Variants in MBOAT2 observed in about 807,000 individuals in gnomAD.
MBOAT2 encodes membrane-bound glycerophospholipid O-acyltransferase 2.
MBOAT2 carries 28 observed loss-of-function variants against 63.4 expected under a neutral mutation model. The observed-to-expected ratio is 0.44, with a 90% CI of 0.33 to 0.61. MBOAT2 has a LOEUF of 0.61. MBOAT2 is among the 20% of genes least tolerant of loss of function. MBOAT2 has a pLI of 0.03. For synonymous variants in MBOAT2, 211 were observed against 215.6 expected (o/e 0.98, Z 0.19); for missense variants, 470 against 605.8 (o/e 0.78, Z 2.35).
At chr2:8,986,576 A>G (rs976944371) in intron 1 of MBOAT2, among the ~76,000 whole-genome samples, 1 of 151,892 alleles carries the variant, frequency 6.6e-6, no homozygotes, top group Non-Finnish European at 1.5e-5. Context: ...AAAAAAAAAA[A>G]AGTAATACGG....
rs117961412 is a variant in MBOAT2 at position 8,985,033 on chromosome 2, C to T, written c.75+18507G>A. Reference sequence around the variant, plus strand: ...GGCCTCCCACTCCTGACTAGTTTCCCTCTAAGAAAAAAATGTAAGGCTCAA... The same window carrying T: ...GGCCTCCCACTCCTGACTAGTTTCCTTCTAAGAAAAAAATGTAAGGCTCAA... On this transcript the variant is annotated intron_variant, in intron 1 of 12. Coordinates refer to ENST00000305997, the MANE Select transcript of MBOAT2 (RefSeq NM_138799.4). Among the ~76,000 whole-genome samples, 477 of 152,108 alleles carry T rather than the reference C, an allele frequency of 3.1e-3. 10 individuals carry two copies. Among genetic ancestry groups the T allele is most frequent in the East Asian group, 0.031 (162 of 5,168 alleles).
chr2:8,862,296 C>G lies in MBOAT2; in HGVS notation c.1185+294G>C, dbSNP rs1661549759. 3 of 1,337,902 alleles carry G rather than the reference C, an allele frequency of 2.2e-6. No homozygotes were observed. Among genetic ancestry groups the G allele is most frequent in the South Asian group, 2.5e-5 (2 of 80,922 alleles). The allele number at this position is 1,337,902 out of a possible 1,614,324, so 82.9% of individuals were successfully genotyped here. ...CCATTCTGATCATCTTTATTTAACT[C>G]AGTTTTTATCTCTCCTTCAGAAAAT... On this transcript the variant is annotated intron_variant, in intron 11 of 12. Coordinates refer to ENST00000305997, the MANE Select transcript of MBOAT2 (RefSeq NM_138799.4). The surrounding 1 kb of genome is among the most constrained non-coding windows in gnomAD (Gnocchi z 4.3).
At chr2:8,977,002 A>G (rs544254800) in intron 1 of MBOAT2, among the ~76,000 whole-genome samples, 19 of 152,148 alleles carry the variant, frequency 1.2e-4, no homozygotes, top group Non-Finnish European at 2.6e-4. Context: ...ATCTATAGTG[A>G]CAAAAAGCTT....
chr2:8,968,235 C>A (rs1670152677), intron 1 of MBOAT2, among the ~76,000 whole-genome samples: 1 of 152,212 alleles, frequency 6.6e-6, no homozygotes, highest in African/African-American at 2.4e-5. Context: ...ATTTGCTGTT[C>A]TGCAGCCTCT....
intron 2 of MBOAT2, among the ~76,000 whole-genome samples, chr2:8,953,758 A>AAAATTC (rs1669006571): frequency 6.6e-6 from 1 of 152,228 alleles, no homozygotes; most frequent in Non-Finnish European, 1.5e-5. Flanking sequence ...TCCTTGAGTG[A>AAAATTC]GTTTTTCAAT....
Position 8,886,817 on chromosome 2 carries a change from G to A in MBOAT2, c.451+1201C>T, listed in dbSNP as rs138972456. Among the ~76,000 whole-genome samples, 25 of 152,238 alleles carry A rather than the reference G, an allele frequency of 1.6e-4. 1 individual carries two copies. In the East Asian group the frequency reaches 4.6e-3, roughly 28 times the overall value. ...CTATATTCTCTTTCCAGTGTCACAG[G>A]AGTAATCTGTTACCAGCATACTACA... On this transcript the variant is annotated intron_variant, in intron 5 of 12. Coordinates refer to ENST00000305997, the MANE Select transcript of MBOAT2 (RefSeq NM_138799.4).
At chr2:8,998,067 C>T (rs1255806189) in intron 1 of MBOAT2, among the ~76,000 whole-genome samples, 1 of 152,190 alleles carries the variant, frequency 6.6e-6, no homozygotes, top group African/African-American at 2.4e-5. Context: ...AGAATTTGGG[C>T]AGCTTTATCA....
rs1665499225 is a variant in MBOAT2, at chr2:8,908,638, A to G, written c.378T>C (p.Tyr126=). Residue 126 remains tyrosine, a synonymous_variant, in exon 4 of 13, where the codon TAT becomes TAC. Coordinates refer to ENST00000305997, the MANE Select transcript of MBOAT2 (RefSeq NM_138799.4). ...TRVYIFDYGQ[Y]SADFSGPMMI... ...CATCTTACCCTGAAAAATCAGCAGA[A>G]TATTGTCCATAGTCAAAGATATAGA... 1 of 1,604,954 alleles carries G rather than the reference A, an allele frequency of 6.2e-7. No homozygotes were observed. Among genetic ancestry groups the G allele is most frequent in the African/African-American group, 1.3e-5 (1 of 74,724 alleles).
chr2:8,860,083 G>A (rs1661388309), intron 12 of MBOAT2, among the ~76,000 whole-genome samples: 1 of 152,088 alleles, frequency 6.6e-6, no homozygotes, highest in Non-Finnish European at 1.5e-5. Flanking sequence ...AACTACTTGG[G>A]AGGCTGAGGC....
At chr2:8,896,377 C>T (rs1664473890) in intron 4 of MBOAT2, among the ~76,000 whole-genome samples, 1 of 152,008 alleles carries the variant, frequency 6.6e-6, no homozygotes, top group Non-Finnish European at 1.5e-5. Context: ...AGAAGGTGCA[C>T]AGTCCTCCTT....
chr2:8,899,614 G>C (rs549817925), intron 4 of MBOAT2, among the ~76,000 whole-genome samples: 1 of 152,350 alleles, frequency 6.6e-6, no homozygotes, highest in Admixed American at 6.5e-5. Flanking sequence ...TTATGGAGCA[G>C]TGCACCTTCC....
chr2:8,908,815 A>G (rs1038807862), intron 3 of MBOAT2, 99 bp from the exon 4 acceptor site: 9 of 677,424 alleles, frequency 1.3e-5, no homozygotes, highest in Non-Finnish European at 2.0e-5. Context: ...TGGTTCAGAA[A>G]TTAAATATTA....
intron 1 of MBOAT2, among the ~76,000 whole-genome samples, chr2:8,960,456 T>C (rs568236413): frequency 1.1e-4 from 16 of 152,244 alleles, no homozygotes; most frequent in African/African-American, 3.9e-4. Context: ...TTAATGGTTA[T>C]ATAGAACATC....
intron 4 of MBOAT2, among the ~76,000 whole-genome samples, chr2:8,888,282 C>A (rs1289615400): frequency 6.6e-6 from 1 of 152,100 alleles, no homozygotes. Context: ...TTCTCCGAGG[C>A]TTCAAAAAAT....
intron 1 of MBOAT2, among the ~76,000 whole-genome samples, chr2:8,964,095 T>A (rs1249019156): frequency 6.6e-6 from 1 of 152,182 alleles, no homozygotes; most frequent in Non-Finnish European, 1.5e-5. Flanking sequence ...ACTTGAAATA[T>A]TCCAGTATTT....
At chr2:8,986,207 C>CAAAAAAAA (rs749608343) in intron 1 of MBOAT2, among the ~76,000 whole-genome samples, 1 of 74,392 alleles carries the variant, frequency 1.3e-5, no homozygotes, top group Non-Finnish European at 2.7e-5. Context: ...ACAAGGTCAC[C>CAAAAAAAA]AAAAAAAAAA....
rs1280482487 is a variant in MBOAT2, at chr2:9,003,241, A to AC, written c.75+298dup. On this transcript the variant is annotated intron_variant, in intron 1 of 12. Transcript: ENST00000305997. The surrounding 1 kb of genome is among the most constrained non-coding windows in gnomAD (Gnocchi z 5.4). ...AGCGCCGCTGCCGCGAAGGGCAGGG[A>AC]CCGCATGCACACCCGCACGCCCATA... is the stretch of plus-strand genomic sequence containing the variant. Among the ~76,000 whole-genome samples, 1 of 152,008 alleles carries AC rather than the reference A, an allele frequency of 6.6e-6. No homozygotes were observed.
intron 3 of MBOAT2, among the ~76,000 whole-genome samples, chr2:8,926,030 G>T (rs1280895089): frequency 6.6e-6 from 1 of 152,212 alleles, no homozygotes; most frequent in Non-Finnish European, 1.5e-5. Flanking sequence ...ATGTGACAAA[G>T]CTACTGGGCA....
Position 8,943,168 on chromosome 2 carries a change from G to T in MBOAT2, c.299+19C>A. 6.9e-7 allele frequency: 1 copy of T among 1,441,076 alleles called. No homozygotes were observed. Among genetic ancestry groups the T allele is most frequent in the South Asian group, 1.4e-5 (1 of 69,268 alleles). The allele number at this position is 1,441,076 out of a possible 1,614,324, so 89.3% of individuals were successfully genotyped here. ...TCAAGTGAAATATATATTTTCATGT[G>T]AACAAAGTGAATACTTACTTGTGCA... is the stretch of plus-strand genomic sequence containing the variant. On this transcript the variant is annotated intron_variant, in intron 3 of 12. Transcript: ENST00000305997.
Sources: allele counts gnomAD v4.1 joint callset (sites outside exome capture counted in the v4.1 genomes callset), GRCh38; gene constraint gnomAD v4.1.1; non-coding constraint Gnocchi (gnomAD v3.1); transcripts MANE v1.5; gene names NCBI Gene and HGNC (gene_info 2026-07-23, HGNC 2026-07-21).